EXOC4: variants seen among roughly 807,000 people sequenced by gnomAD.
EXOC4 encodes the protein exocyst complex component 4, also known as SEC8-like 1.
In EXOC4, 71 loss-of-function variants were observed where a neutral mutation model predicts 107.2. The observed-to-expected ratio is 0.66, with a 90% confidence interval of 0.55 to 0.81. The LOEUF (loss-of-function observed/expected upper bound fraction) is 0.81. EXOC4 is among the 30% of genes least tolerant of loss of function. The probability of loss-of-function intolerance (pLI) is 0.00; values close to 1 mark genes in which losing one functional copy is unlikely to be tolerated. For synonymous variants in EXOC4, 456 were observed against 441.2 expected (o/e 1.03, Z -0.42); for missense variants, 1,108 against 1,189.6 (o/e 0.93, Z 1.01).
intron 10 of EXOC4, among the ~76,000 whole-genome samples, chr7:133,813,250 A>G (rs73155106): frequency 0.12 from 17,732 of 152,042 alleles, 1,126 homozygotes; most frequent in Middle Eastern, 0.15. Context: ...ATATGGGACT[A>G]GAAAGAAAGA....
intron 10 of EXOC4, among the ~76,000 whole-genome samples, chr7:133,712,713 C>G (rs1386207631): frequency 6.6e-6 from 1 of 152,118 alleles, no homozygotes; most frequent in Non-Finnish European, 1.5e-5. Context: ...AAATAGCCGT[C>G]AGCAAATATA....
intron 10 of EXOC4, among the ~76,000 whole-genome samples, chr7:133,719,459 T>C (rs575841135): frequency 1.3e-5 from 2 of 151,954 alleles, no homozygotes; most frequent in African/African-American, 2.4e-5. Flanking sequence ...CCTTTTAGGC[T>C]AGAAGTAATT....
intron 1 of EXOC4, among the ~76,000 whole-genome samples, chr7:133,259,926 G>A (rs909799636): frequency 1.3e-5 from 2 of 152,044 alleles, no homozygotes; most frequent in Admixed American, 1.3e-4. Flanking sequence ...ATTTTTACCT[G>A]TGTAACCACT....
At chr7:133,941,526 T>A (rs772349334) in intron 14 of EXOC4, among the ~76,000 whole-genome samples, 1 of 152,172 alleles carries the variant, frequency 6.6e-6, no homozygotes, top group Non-Finnish European at 1.5e-5. Flanking sequence ...TTTCTCTATC[T>A]CCTTTACACA....
At chr7:133,816,505 C>T (rs1180677387) in intron 10 of EXOC4, among the ~76,000 whole-genome samples, 2 of 152,056 alleles carry the variant, frequency 1.3e-5, no homozygotes, top group Non-Finnish European at 2.9e-5. Context: ...CATCCCATTC[C>T]CTTTCTTAAC....
At chr7:133,581,848 AGAGGCCTCAGGAAACT>A (rs1232291667) in intron 9 of EXOC4, among the ~76,000 whole-genome samples, 4 of 151,790 alleles carry the variant, frequency 2.6e-5, no homozygotes, top group Admixed American at 1.3e-4. Context: ...GCATGGCTGG[AGAGGCCTCAGGAAACT>A]GAGGCCTCAT....
chr7:133,514,071 A>G (rs1459885016), intron 9 of EXOC4, among the ~76,000 whole-genome samples: 3 of 152,130 alleles, frequency 2.0e-5, no homozygotes, highest in African/African-American at 7.2e-5. Flanking sequence ...GGTGCTTTAC[A>G]TGTATTAATG....
intron 15 of EXOC4, among the ~76,000 whole-genome samples, chr7:134,001,782 T>TG (rs1025283502): frequency 5.3e-5 from 8 of 152,242 alleles, no homozygotes; most frequent in Admixed American, 5.2e-4. Flanking sequence ...TGTGCTGACC[T>TG]GGCCTGTGCC....
intron 17 of EXOC4, among the ~76,000 whole-genome samples, chr7:134,030,668 C>A: frequency 6.8e-6 from 1 of 146,194 alleles, no homozygotes; most frequent in Non-Finnish European, 1.5e-5. Context: ...TTGACCCGCA[C>A]CCCCCCTCTG....
At chr7:133,947,866 T>G (rs1800592475) in intron 14 of EXOC4, among the ~76,000 whole-genome samples, 1 of 152,204 alleles carries the variant, frequency 6.6e-6, no homozygotes, top group South Asian at 2.1e-4. Context: ...AGCTGCCAGC[T>G]GAATGATTTT....
intron 9 of EXOC4, among the ~76,000 whole-genome samples, chr7:133,546,627 A>G (rs906067059): frequency 3.3e-5 from 5 of 152,008 alleles, no homozygotes; most frequent in Admixed American, 6.6e-5. Flanking sequence ...TGAGATATAA[A>G]TTGTTTCCTT....
At chr7:133,395,928 A>C (rs530139370) in intron 7 of EXOC4, among the ~76,000 whole-genome samples, 11 of 151,282 alleles carry the variant, frequency 7.3e-5, no homozygotes, top group Non-Finnish European at 1.6e-4. Flanking sequence ...TTTTTTTTTA[A>C]TTTGTTTTAT....
At chr7:133,721,457 G>C (rs909234405) in intron 10 of EXOC4, among the ~76,000 whole-genome samples, 2 of 152,160 alleles carry the variant, frequency 1.3e-5, no homozygotes, top group African/African-American at 4.8e-5. Context: ...GGAAGTCAAG[G>C]AGTCTCATTC....
chr7:133,999,444 G>A (rs1794478378), intron 15 of EXOC4, among the ~76,000 whole-genome samples: 1 of 152,166 alleles, frequency 6.6e-6, no homozygotes, highest in South Asian at 2.1e-4. Context: ...TTTAGAATCT[G>A]TGTTACGTGG....
intron 10 of EXOC4, among the ~76,000 whole-genome samples, chr7:133,686,501 C>CTCA (rs1794300914): frequency 6.6e-6 from 1 of 152,114 alleles, no homozygotes; most frequent in Non-Finnish European, 1.5e-5. Flanking sequence ...GACGTCCTTC[C>CTCA]TCAGGAATGG....
chr7:133,656,566 A>G lies in EXOC4; in HGVS notation c.1514+26425A>G, dbSNP rs1192180286. Among the ~76,000 whole-genome samples the G allele has an allele frequency of 4.6e-5, 7 of 152,186 alleles. No individual in the cohort carries two copies. In the South Asian group the frequency reaches 6.2e-4, roughly 13 times the overall value. On this transcript the variant is annotated intron_variant, in intron 10 of 17. Coordinates refer to ENST00000253861, the MANE Select transcript of EXOC4 (RefSeq NM_021807.4). ...TGAGACAACAGCCAACTACTAATGA[A>G]ATGACCCATCACAGACACATATGTG...
At chr7:133,815,808 A>G (rs568581967) in intron 10 of EXOC4, among the ~76,000 whole-genome samples, 5 of 152,284 alleles carry the variant, frequency 3.3e-5, no homozygotes, top group East Asian at 1.9e-4. Context: ...TGCCTCTCCA[A>G]TGGCAGCAGT....
At chr7:133,782,185 G>C (rs565347247) in intron 10 of EXOC4, among the ~76,000 whole-genome samples, 26 of 152,232 alleles carry the variant, frequency 1.7e-4, no homozygotes, top group African/African-American at 5.8e-4. Flanking sequence ...GACATTGGTA[G>C]TTATTTATCA....
At chr7:133,855,339 A>T (rs983366935) in intron 11 of EXOC4, among the ~76,000 whole-genome samples, 1 of 151,290 alleles carries the variant, frequency 6.6e-6, no homozygotes, top group African/African-American at 2.4e-5. Context: ...GCAGATTTCA[A>T]CTGTACCTCT....
Sources: allele counts gnomAD v4.1 joint callset (sites outside exome capture counted in the v4.1 genomes callset), GRCh38; gene constraint gnomAD v4.1.1; transcripts MANE v1.5; gene names NCBI Gene and HGNC (gene_info 2026-07-23, HGNC 2026-07-21).